Variants in LRRCC1 observed in about 807,000 individuals in gnomAD.
LRRCC1 encodes the protein leucine-rich repeat and coiled-coil domain-containing protein 1.
LRRCC1 carries 115 observed loss-of-function variants against 126.0 expected under a neutral mutation model. The observed-to-expected ratio is 0.91, with a 90% CI of 0.78 to 1.07. The LOEUF is 1.07. LRRCC1 is among the 50% of genes least tolerant of loss of function. The pLI is 0.00. For synonymous variants in LRRCC1, 400 were observed against 393.4 expected (o/e 1.02, Z -0.20); for missense variants, 1,172 against 1,175.7 (o/e 1.00, Z 0.05).
At chr8:85,122,296 GTTT>G (rs1239050005) in intron 6 of LRRCC1, among the ~76,000 whole-genome samples, 2 of 151,992 alleles carry the variant, frequency 1.3e-5, no homozygotes, top group African/African-American at 4.8e-5. Flanking sequence ...GTAATTTTAT[GTTT>G]TCACCTAATT....
intron 12 of LRRCC1, among the ~76,000 whole-genome samples, chr8:85,132,375 C>CTTTTTTTTTTTTTTTTTT (rs551423793): frequency 2.7e-5 from 3 of 109,960 alleles, no homozygotes; most frequent in African/African-American, 7.2e-5. Context: ...TGAGTACTTT[C>CTTTTTTTTTTTTTTTTTT]TTTTTTTTTT....
Position 85,138,453 on chromosome 8 carries a change from G to A in LRRCC1, c.2818G>A (p.Asp940Asn), listed in dbSNP as rs78041038. Residue 940 changes from aspartate to asparagine, a missense_variant, in exon 17 of 19, where the codon GAC becomes AAC. Transcript: ENST00000360375. ...NKEKKLKAER[D>N]KSIELQKNAM... ...GGAAAAGAAACTTAAAGCGGAAAGA[G>A]ACAAAAGTATTGAACTACAAAAGTA... 3,111 of 1,611,158 alleles carry A rather than the reference G, an allele frequency of 1.9e-3. 63 individuals carry two copies. The African/African-American group carries it at 0.037, about 19-fold the overall frequency.
At chr8:85,115,037 A>C (rs1808999863) in intron 4 of LRRCC1, 63 bp from the exon 5 acceptor site, 1 of 1,320,112 alleles carries the variant, frequency 7.6e-7, no homozygotes, top group East Asian at 2.3e-5. Context: ...AATTTAGTTT[A>C]TTCTAGAAAT....
Position 85,123,549 on chromosome 8 carries a change from A to T in LRRCC1, c.1067A>T (p.Asp356Val). ...KVPRRSKIPY[D>V]AKTIQTIKHH... ...CCTCGAAGATCAAAAATCCCTTATG[A>T]TGCCAAAACCATTCAAACTATTAAG... Residue 356 changes from aspartate to valine, a missense_variant, in exon 7 of 19, where the codon GAT (aspartate) becomes GTT (valine). Coordinates refer to ENST00000360375, the MANE Select transcript of LRRCC1 (RefSeq NM_033402.5). 1 of 1,607,502 alleles carries T rather than the reference A, an allele frequency of 6.2e-7. No individual in the cohort carries two copies. Among genetic ancestry groups the T allele is most frequent in the South Asian group, 1.1e-5 (1 of 89,706 alleles).
At position 85,141,480 on chromosome 8, in the gene LRRCC1, A is replaced by G. The variant is rs780600741; in HGVS notation, c.2939A>G (p.Asn980Ser). 3.1e-6 allele frequency: 5 copies of G among 1,612,896 alleles called. No homozygotes were observed. The highest frequency in any genetic ancestry group is 2.7e-5 in the African/African-American group (2 of 74,912). ...CAAGCTGAAATAGCACAGCTGGCCA[A>G]TGAAAAGCAGAAGTGTATTGATTCT... ...AHQAEIAQLA[N>S]EKQKCIDSAN... is the part of the protein sequence containing the mutation. The change falls in exon 18 of 19, where the codon AAT (asparagine) becomes AGT (serine). Residue 980 changes from asparagine (N) to serine (S), a missense_variant. Physicochemically the swap from Asn to Ser is conservative, Grantham distance 46. Transcript: ENST00000360375.
intron 18 of LRRCC1, among the ~76,000 whole-genome samples, chr8:85,144,905 C>G (rs868091631): frequency 6.7e-6 from 1 of 148,284 alleles, no homozygotes; most frequent in African/African-American, 2.5e-5. Flanking sequence ...CCCATCTCTA[C>G]TAAAAATAAA....
chr8:85,115,858 C>T (rs1260934941), intron 6 of LRRCC1, among the ~76,000 whole-genome samples: 1 of 152,166 alleles, frequency 6.6e-6, no homozygotes, highest in Non-Finnish European at 1.5e-5. Flanking sequence ...ACTTCTATTA[C>T]ACCCAACTTT....
At chr8:85,117,833 A>C (rs1177940365) in intron 6 of LRRCC1, among the ~76,000 whole-genome samples, 1 of 152,162 alleles carries the variant, frequency 6.6e-6, no homozygotes, top group African/African-American at 2.4e-5. Context: ...ATTTCAAAGT[A>C]AATTACACAC....
intron 6 of LRRCC1, among the ~76,000 whole-genome samples, chr8:85,119,311 A>G (rs1462097503): frequency 6.6e-6 from 1 of 151,954 alleles, no homozygotes; most frequent in African/African-American, 2.4e-5. Context: ...TGATATTGGC[A>G]ATCTGTGTTT....
intron 15 of LRRCC1, 23 bp from the exon 16 acceptor site, chr8:85,138,012 A>C (rs773919766): frequency 8.9e-5 from 118 of 1,321,472 alleles, no homozygotes; most frequent in Non-Finnish European, 1.1e-4. Flanking sequence ...AATAAAAACA[A>C]AGTGCCAATT....
chr8:85,117,312 A>G (rs987790349), intron 6 of LRRCC1, among the ~76,000 whole-genome samples: 4 of 152,186 alleles, frequency 2.6e-5, no homozygotes, highest in Admixed American at 1.3e-4. Context: ...CTTCTCACTT[A>G]TGGTGCTAGT....
chr8:85,111,754 C>T (rs1297089406), intron 3 of LRRCC1, among the ~76,000 whole-genome samples: 3 of 152,124 alleles, frequency 2.0e-5, no homozygotes, highest in South Asian at 4.2e-4. Context: ...AATGGGATAC[C>T]GTTTCACACC....
chr8:85,127,814 C>T (rs948937103), intron 9 of LRRCC1, among the ~76,000 whole-genome samples: 8 of 152,232 alleles, frequency 5.3e-5, no homozygotes, highest in African/African-American at 1.9e-4. Flanking sequence ...CCTTCTACCA[C>T]TACCCACCAA....
At chr8:85,128,220 C>T (rs1034012451) in intron 9 of LRRCC1, among the ~76,000 whole-genome samples, 3 of 151,946 alleles carry the variant, frequency 2.0e-5, no homozygotes, top group African/African-American at 7.3e-5. Context: ...TTACTTTATT[C>T]TGTATTCTAG....
At chr8:85,116,923 T>C (rs867390501) in intron 6 of LRRCC1, among the ~76,000 whole-genome samples, 1 of 152,156 alleles carries the variant, frequency 6.6e-6, no homozygotes, top group Non-Finnish European at 1.5e-5. Context: ...GAGATAGTAA[T>C]AGAAGTGAGA....
intron 6 of LRRCC1, among the ~76,000 whole-genome samples, chr8:85,120,545 A>C (rs994510806): frequency 3.3e-5 from 5 of 152,196 alleles, no homozygotes; most frequent in African/African-American, 1.2e-4. Context: ...TTCACTTACC[A>C]TGTGGTTCAC....
At position 85,135,983 on chromosome 8, in the gene LRRCC1, A is replaced by G. The variant is rs747350400; in HGVS notation, c.2329+20A>G. ...AACAAGGTAAAATTCTCAGATTTTC[A>G]AAGGGAAAATAGCTTATTCTTATAA... On this transcript the variant is annotated intron_variant, in intron 14 of 18. Coordinates refer to ENST00000360375, the MANE Select transcript of LRRCC1 (RefSeq NM_033402.5). The G allele has an allele frequency of 6.5e-6, 10 of 1,537,552 alleles. No homozygotes were observed. The highest frequency in any genetic ancestry group is 2.8e-5 in the African/African-American group (2 of 71,618).
In LRRCC1 at chr8:85,134,895, C is replaced by G; in HGVS notation, c.2017C>G (p.His673Asp). 6.3e-7 allele frequency: 1 copy of G among 1,593,138 alleles called. No homozygotes were observed. The highest frequency in any genetic ancestry group is 8.5e-7 in the Non-Finnish European group (1 of 1,175,080). Residue 673 changes from histidine (H) to aspartate (D), a missense_variant, in exon 13 of 19, where the codon CAT (histidine) becomes GAT (aspartate). Transcript: ENST00000360375. ...NVATELAKSK[H>D]ALIWAQRKEN... is the part of the protein sequence containing the mutation. ...TGCAACTGAGTTAGCAAAGAGCAAA[C>G]ATGCTCTTATTTGGGCTCAACGAAA...
At position 85,129,382 on chromosome 8, in the gene LRRCC1, A is replaced by G. The variant is rs763915572; in HGVS notation, c.1626+3A>G. On this transcript the variant is annotated splice_donor_region_variant and intron_variant, in intron 10 of 18. Coordinates refer to ENST00000360375, the MANE Select transcript of LRRCC1 (RefSeq NM_033402.5). ...AAAGGCAGCAGCAGGCAGCACAGGTATTTCTCTATTTTAATATATGAGTAG... is the reference window on the plus strand; with the variant it reads ...AAAGGCAGCAGCAGGCAGCACAGGTGTTTCTCTATTTTAATATATGAGTAG... 2.5e-6 allele frequency: 4 copies of G among 1,598,732 alleles called. No individual in the cohort carries two copies. The highest frequency in any genetic ancestry group is 3.4e-6 in the Non-Finnish European group (4 of 1,174,936).
Sources: gnomAD v4.1 joint callset for allele counts (sites outside exome capture counted in the v4.1 genomes callset) on GRCh38, gnomAD v4.1.1 for gene constraint, MANE v1.5 for transcripts, NCBI Gene and HGNC (gene_info 2026-07-23, HGNC 2026-07-21) for gene names.